The following HSF2BP variants were observed in gnomAD, a reference collection of about 807,000 sequenced individuals.
HSF2BP encodes heat shock transcription factor 2 binding protein.
A neutral mutation model predicts 35.0 loss-of-function variants in HSF2BP; 35 were observed. The ratio of observed to expected loss-of-function variants is 1.00; its 90% CI spans 0.76 to 1.32. The LOEUF is 1.32. Ranked by LOEUF, HSF2BP falls within the 40% of genes most tolerant of loss-of-function variation. The pLI, the probability that HSF2BP is intolerant of heterozygous loss-of-function variation, is 0.00. For synonymous variants in HSF2BP, 114 were observed against 117.4 expected (o/e 0.97, Z 0.18); for missense variants, 326 against 321.7 (o/e 1.01, Z -0.10).
At chr21:43,593,652 A>G (rs2081953300) in intron 7 of HSF2BP, among the ~76,000 whole-genome samples, 1 of 152,230 alleles carries the variant, frequency 6.6e-6, no homozygotes, top group Non-Finnish European at 1.5e-5. Flanking sequence ...CCAATTCAAA[A>G]ATAACAGCAG....
chr21:43,575,845 G>A lies in HSF2BP; in HGVS notation c.796+16380C>T, dbSNP rs1026206063. Reference sequence around the variant, plus strand: ...AATATCATTCAAAAGTCGGCCAGGCGCAGTGGCTCATGCCTGTAATCCCAA... The same window carrying A: ...AATATCATTCAAAAGTCGGCCAGGCACAGTGGCTCATGCCTGTAATCCCAA... On this transcript the variant is annotated intron_variant, in intron 8 of 8. Transcript: ENST00000291560. Among the ~76,000 whole-genome samples, 9 of 152,312 alleles carry A rather than the reference G, an allele frequency of 5.9e-5. No homozygotes were observed. In the East Asian group the frequency reaches 1.2e-3, roughly 20 times the overall value.
intron 8 of HSF2BP, among the ~76,000 whole-genome samples, chr21:43,590,350 G>C (rs887035168): frequency 1.3e-5 from 2 of 152,184 alleles, no homozygotes; most frequent in Non-Finnish European, 2.9e-5. Context: ...AAATTAAAGA[G>C]AATGACCATA....
At chr21:43,632,509 T>TG (rs2082494403) in intron 5 of HSF2BP, among the ~76,000 whole-genome samples, 1 of 147,310 alleles carries the variant, frequency 6.8e-6, no homozygotes, top group Admixed American at 6.9e-5. Context: ...AGTTGAACCT[T>TG]GAAAACAAGG....
intron 8 of HSF2BP, among the ~76,000 whole-genome samples, chr21:43,579,394 G>C (rs1176676904): frequency 6.6e-6 from 1 of 152,192 alleles, no homozygotes; most frequent in Non-Finnish European, 1.5e-5. Flanking sequence ...TTATATTTTA[G>C]TAGCCTACTT....
intron 7 of HSF2BP, among the ~76,000 whole-genome samples, chr21:43,607,652 A>G (rs926685662): frequency 6.6e-6 from 1 of 152,246 alleles, no homozygotes; most frequent in Non-Finnish European, 1.5e-5. Context: ...ACGCTAAGAA[A>G]AAAGAACAAA....
chr21:43,616,930 CA>C (rs57442334), intron 6 of HSF2BP, among the ~76,000 whole-genome samples: 5 of 144,302 alleles, frequency 3.5e-5, no homozygotes, highest in Non-Finnish European at 6.1e-5. Context: ...GACTCCATCT[CA>C]AAAAAAAAAG....
chr21:43,645,787 G>A (rs2082701001), intron 3 of HSF2BP, among the ~76,000 whole-genome samples: 2 of 152,092 alleles, frequency 1.3e-5, no homozygotes, highest in Non-Finnish European at 2.9e-5. Context: ...TAGGGCTTTC[G>A]AATCTAGGGG....
At chr21:43,584,839 C>T (rs1185425389) in intron 8 of HSF2BP, among the ~76,000 whole-genome samples, 3 of 152,116 alleles carry the variant, frequency 2.0e-5, no homozygotes, top group Non-Finnish European at 4.4e-5. Flanking sequence ...TGAGGTGGGA[C>T]CGGGGCTTTG....
intron 5 of HSF2BP, among the ~76,000 whole-genome samples, chr21:43,632,114 C>T (rs1351951010): frequency 5.0e-5 from 3 of 59,602 alleles, no homozygotes; most frequent in Non-Finnish European, 3.2e-5. Context: ...CCCACACACA[C>T]GCTCCCCCAA....
chr21:43,582,475 T>C (rs1162057074), intron 8 of HSF2BP, among the ~76,000 whole-genome samples: 5 of 122,210 alleles, frequency 4.1e-5, no homozygotes, highest in South Asian at 2.8e-4. Flanking sequence ...CTGAGGGAGA[T>C]GAAGGGCCTG....
chr21:43,600,828 T>A (rs2082042872), intron 7 of HSF2BP, among the ~76,000 whole-genome samples: 1 of 152,192 alleles, frequency 6.6e-6, no homozygotes, highest in Non-Finnish European at 1.5e-5. Context: ...CAGGGAGGTG[T>A]AACCACAGCT....
chr21:43,459,737 C>G, the HSF2BP span, among the ~76,000 whole-genome samples: 2 of 25,250 alleles, frequency 7.9e-5, no homozygotes, highest in Non-Finnish European at 1.4e-4. Flanking sequence ...AGGACGTTGG[C>G]CACAGGCTGA....
chr21:43,632,804 A>G (rs564197060), intron 5 of HSF2BP, among the ~76,000 whole-genome samples: 1 of 152,182 alleles, frequency 6.6e-6, no homozygotes. Context: ...CAAAAGTTCT[A>G]TGTGGCTTTT....
chr21:43,649,267 A>AT (rs907090493), intron 3 of HSF2BP, among the ~76,000 whole-genome samples: 1 of 151,688 alleles, frequency 6.6e-6, no homozygotes, highest in African/African-American at 2.4e-5. Context: ...TTGAAAAAAA[A>AT]TTTTTAAATA....
chr21:43,657,983 C>T, intron 2 of HSF2BP, 78 bp downstream of exon 2: 1 of 1,529,996 alleles, frequency 6.5e-7, no homozygotes, highest in South Asian at 1.2e-5. Context: ...CGTCTCCGAG[C>T]GCACGGGGCG....
chr21:43,617,013 G>C lies in HSF2BP; in HGVS notation c.575-3066C>G, dbSNP rs560108544. Among the ~76,000 whole-genome samples, 26 of 152,206 alleles carry C rather than the reference G, an allele frequency of 1.7e-4. 1 individual carries two copies. The South Asian group carries it at 5.0e-3, about 29-fold the overall frequency. On this transcript the variant is annotated intron_variant, in intron 6 of 8. Coordinates refer to ENST00000291560, the MANE Select transcript of HSF2BP (RefSeq NM_007031.2). ...AGACTCTATGAGGAAAGAAGAGAGA[G>C]AAAGACACCCCACTAGCCCCCAGCT...
chr21:43,620,851 G>A (rs138701692), intron 6 of HSF2BP, among the ~76,000 whole-genome samples: 99 of 152,102 alleles, frequency 6.5e-4, no homozygotes, highest in African/African-American at 2.2e-3. Context: ...GAGAATCACT[G>A]AGCTCAGAGA....
At chr21:43,579,147 G>A (rs1402250445) in intron 8 of HSF2BP, among the ~76,000 whole-genome samples, 1 of 152,210 alleles carries the variant, frequency 6.6e-6, no homozygotes, top group Non-Finnish European at 1.5e-5. Context: ...ATTGTCATCA[G>A]TTGACTGTAT....
At chr21:43,575,244 C>T (rs1247357698) in intron 8 of HSF2BP, among the ~76,000 whole-genome samples, 1 of 152,236 alleles carries the variant, frequency 6.6e-6, no homozygotes, top group East Asian at 1.9e-4. Flanking sequence ...CACGACGCTC[C>T]ACTGGGCTGC....
Sources: gnomAD v4.1 joint callset for allele counts (sites outside exome capture counted in the v4.1 genomes callset) on GRCh38, gnomAD v4.1.1 for gene constraint, MANE v1.5 for transcripts, NCBI Gene and HGNC (gene_info 2026-07-23, HGNC 2026-07-21) for gene names.